MCM8: variants seen among roughly 807,000 people sequenced by gnomAD.
The protein encoded by MCM8 is minichromosome maintenance 8 homologous recombination repair factor, also known as DNA helicase MCM8.
In MCM8, 85 loss-of-function variants were observed where a neutral mutation model predicts 98.9. The observed-to-expected ratio is 0.86, with a 90% CI of 0.72 to 1.03. The LOEUF (loss-of-function observed/expected upper bound fraction) is 1.03, where lower values mean the gene tolerates loss of function less well. Among genes scored for constraint, MCM8 ranks in the 50% least tolerant of loss-of-function variants. The pLI is 0.00. For synonymous variants in MCM8, 352 were observed against 338.6 expected (o/e 1.04, Z -0.44); for missense variants, 951 against 997.8 (o/e 0.95, Z 0.63).
chr20:5,964,325 C>G (rs2089227269), intron 8 of MCM8, among the ~76,000 whole-genome samples: 2 of 152,134 alleles, frequency 1.3e-5, no homozygotes, highest in Non-Finnish European at 2.9e-5. Flanking sequence ...ATAAGATGAT[C>G]TGCTGCTAAC....
rs141475073 is a variant in MCM8 at position 5,953,961 on chromosome 20, G to A, written c.254-647G>A. Among the ~76,000 whole-genome samples the A allele has an allele frequency of 2.9e-3, 443 of 152,192 alleles. 6 individuals are homozygous for A. The highest frequency in any genetic ancestry group is 0.01 in the African/African-American group (432 of 41,520). ...GAATGATCTTTTGTTCCTTTAGGATGTATTAGCCACCAGCACTCCCATTGC... is the reference window on the plus strand; with the variant it reads ...GAATGATCTTTTGTTCCTTTAGGATATATTAGCCACCAGCACTCCCATTGC... On this transcript the variant is annotated intron_variant, in intron 3 of 18. Transcript: ENST00000610722.
chr20:5,989,515 A>G (rs1231597711), intron 17 of MCM8, among the ~76,000 whole-genome samples: 2 of 152,140 alleles, frequency 1.3e-5, no homozygotes, highest in African/African-American at 4.8e-5. Context: ...GGCAGATCTC[A>G]CCCTAGATAA....
chr20:5,984,667 T>C, intron 14 of MCM8, 114 bp from the exon 15 acceptor site: 2 of 750,786 alleles, frequency 2.7e-6, no homozygotes, highest in Non-Finnish European at 4.3e-6. Flanking sequence ...TTAACCTAAA[T>C]CTTGGTTTTT....
rs770342907 is a variant in MCM8 at position 5,973,135 on chromosome 20, G to A, written c.1334G>A (p.Arg445Gln). 20 of 1,614,048 alleles carry A rather than the reference G, an allele frequency of 1.2e-5. No homozygotes were observed. Among genetic ancestry groups the A allele is most frequent in the Non-Finnish European group, 1.6e-5 (19 of 1,180,026 alleles). The change falls in exon 12 of 19, where the codon CGG becomes CAG. Residue 445 changes from arginine (R) to glutamine (Q), a missense_variant. By Grantham distance (43) the Arg-to-Gln change is conservative (BLOSUM62 1). Coordinates refer to ENST00000610722, the MANE Select transcript of MCM8 (RefSeq NM_032485.6). ...GATGACAAAAACAGAATTCCAATTCGGGGAGACCCCCACATCCTTGTTGTT... is the reference window on the plus strand; with the variant it reads ...GATGACAAAAACAGAATTCCAATTCAGGGAGACCCCCACATCCTTGTTGTT... ...YADDKNRIPI[R>Q]GDPHILVVGD...
chr20:5,973,059 G>A lies in MCM8; in HGVS notation c.1258G>A (p.Val420Ile). Reference protein sequence around the residue: ...LCPVIFGHELVKAGLALALFG... With the variant: ...LCPVIFGHELIKAGLALALFG... ...TTGTTCTTTTTTCGCACTTGAGCTT[G>A]TTAAAGCAGGTTTGGCATTAGCACT... Residue 420 changes from valine to isoleucine, a missense_variant, in exon 12 of 19, where the codon GTT becomes ATT. Coordinates refer to ENST00000610722, the MANE Select transcript of MCM8 (RefSeq NM_032485.6). The A allele has an allele frequency of 6.2e-7, 1 of 1,613,962 alleles. No homozygotes were observed. The highest frequency in any genetic ancestry group is 8.5e-7 in the Non-Finnish European group (1 of 1,179,874).
At chr20:5,967,681 GAA>G in intron 9 of MCM8, 94 bp downstream of exon 9, 1 of 1,437,320 alleles carries the variant, frequency 7.0e-7, no homozygotes, top group Non-Finnish European at 9.4e-7. Context: ...ATAATTTGAG[GAA>G]TTTCTTGTTG....
At chr20:5,961,022 GT>G (rs2089129995) in intron 7 of MCM8, among the ~76,000 whole-genome samples, 1 of 152,074 alleles carries the variant, frequency 6.6e-6, no homozygotes, top group African/African-American at 2.4e-5. Flanking sequence ...CCTAAGTTTT[GT>G]TTTTTATCTT....
chr20:5,965,254 G>A (rs968797380), intron 8 of MCM8: 10 of 152,098 alleles, frequency 6.6e-5, no homozygotes, highest in Admixed American at 1.3e-4. Flanking sequence ...TCCTACTTGC[G>A]TCTTCAGTGG....
At chr20:5,972,971 A>G in intron 11 of MCM8, 85 bp from the exon 12 acceptor site, 3 of 1,455,218 alleles carry the variant, frequency 2.1e-6, no homozygotes, top group East Asian at 2.4e-5. Flanking sequence ...AAACAAATTA[A>G]TATTATAGAA....
chr20:5,987,383 T>G, intron 17 of MCM8, 25 bp downstream of exon 17: 1 of 1,571,272 alleles, frequency 6.4e-7, no homozygotes, highest in Non-Finnish European at 8.7e-7. Flanking sequence ...TCAAATTGTT[T>G]TAAATGAAAT....
At chr20:5,990,231 C>T (rs1403296886) in intron 17 of MCM8, among the ~76,000 whole-genome samples, 1 of 152,106 alleles carries the variant, frequency 6.6e-6, no homozygotes, top group Non-Finnish European at 1.5e-5. Flanking sequence ...CCTGCCACCA[C>T]GCCCAGCTAA....
At chr20:5,981,236 A>G (rs763444603) in intron 13 of MCM8, among the ~76,000 whole-genome samples, 1 of 152,186 alleles carries the variant, frequency 6.6e-6, no homozygotes, top group African/African-American at 2.4e-5. Flanking sequence ...ATTTCCAGTA[A>G]TACCATGAAT....
At position 5,986,195 on chromosome 20, in the gene MCM8, C is replaced by G. The variant is rs568606693; in HGVS notation, c.2163+64C>G. On this transcript the variant is annotated intron_variant, in intron 16 of 18. Coordinates refer to ENST00000610722, the MANE Select transcript of MCM8 (RefSeq NM_032485.6). ...AGGGGAAGGGTGTGCCTTGACTTCT[C>G]TTTTGAAGTATTTTCTGCATAATTG... is the stretch of plus-strand genomic sequence containing the variant. 36 of 1,434,016 alleles carry G rather than the reference C, an allele frequency of 2.5e-5. No homozygotes were observed. In the African/African-American group the frequency reaches 4.5e-4, roughly 18 times the overall value. The allele number at this position is 1,434,016 out of a possible 1,614,324, so 88.8% of individuals were successfully genotyped here.
rs754388420 is a variant in MCM8 at position 5,957,179 on chromosome 20, A to G, written c.540A>G (p.Gly180=). ...CAGCTGAGTTACAAGCCCAGGAAGG[A>G]TTGTCTAATGATGGAGAAACAATGG... ...RHAAELQAQE[G]LSNDGETMVN... is the part of the protein sequence containing the mutation. Residue 180 remains glycine (G), a synonymous_variant, in exon 6 of 19, where the codon GGA becomes GGG. Coordinates refer to ENST00000610722, the MANE Select transcript of MCM8 (RefSeq NM_032485.6). 2.1e-5 allele frequency: 34 copies of G among 1,613,674 alleles called. No homozygotes were observed. The highest frequency in any genetic ancestry group is 1.3e-4 in the Admixed American group (8 of 59,980).
At chr20:5,964,413 A>G (rs1444230487) in intron 8 of MCM8, 1 of 152,170 alleles carries the variant, frequency 6.6e-6, no homozygotes. Context: ...GATCTTTACA[A>G]ACACCCCATT....
chr20:5,992,487 G>A (rs1222420111), intron 17 of MCM8, among the ~76,000 whole-genome samples: 1 of 152,060 alleles, frequency 6.6e-6, no homozygotes, highest in East Asian at 1.9e-4. Context: ...TTAACTGAAA[G>A]CATTTTTAAC....
intron 16 of MCM8, among the ~76,000 whole-genome samples, chr20:5,986,452 A>G (rs775429526): frequency 2.6e-5 from 4 of 152,220 alleles, no homozygotes; most frequent in Non-Finnish European, 5.9e-5. Flanking sequence ...AGTTGAGTAT[A>G]TGGGAACATG....
chr20:5,988,839 G>A (rs751711274), intron 17 of MCM8, among the ~76,000 whole-genome samples: 4 of 152,138 alleles, frequency 2.6e-5, no homozygotes, highest in Non-Finnish European at 5.9e-5. Context: ...AGGTTTGCGT[G>A]GTGTCAGAAC....
rs371664252 is a variant in MCM8, at chr20:5,958,943, C to T, written c.789+217C>T. On this transcript the variant is annotated intron_variant, in intron 7 of 18. Coordinates refer to ENST00000610722, the MANE Select transcript of MCM8 (RefSeq NM_032485.6). ...ACCCCGAATTTACATTTTTCAGCTCCGGACACATTTTTTAATGATATAAAG... is the reference window on the plus strand; with the variant it reads ...ACCCCGAATTTACATTTTTCAGCTCTGGACACATTTTTTAATGATATAAAG... Among the ~76,000 whole-genome samples, 18 of 152,198 alleles carry T rather than the reference C, an allele frequency of 1.2e-4. No individual in the cohort carries two copies. In the East Asian group the frequency reaches 1.5e-3, roughly 13 times the overall value.
Sources: allele counts gnomAD v4.1 joint callset (sites outside exome capture counted in the v4.1 genomes callset), GRCh38; gene constraint gnomAD v4.1.1; transcripts MANE v1.5; gene names NCBI Gene and HGNC (gene_info 2026-07-23, HGNC 2026-07-21).